Variants in TMEM59L observed in about 807,000 individuals in gnomAD.
TMEM59L encodes transmembrane protein 59 like, also known as transmembrane protein 59-like.
In TMEM59L, 31 loss-of-function variants were observed where a neutral mutation model predicts 39.6. The observed-to-expected ratio is 0.78, with a 90% CI of 0.59 to 1.06. TMEM59L has a LOEUF of 1.06. TMEM59L is among the 50% of genes least tolerant of loss of function. TMEM59L has a pLI of 0.00. For synonymous variants in TMEM59L, 219 were observed against 202.9 expected (o/e 1.08, Z -0.68); for missense variants, 441 against 451.3 (o/e 0.98, Z 0.21).
intron 4 of TMEM59L, 99 bp downstream of exon 4, chr19:18,616,226 C>T: frequency 6.9e-7 from 1 of 1,448,188 alleles, no homozygotes; most frequent in Non-Finnish European, 9.5e-7. Context: ...GCAAAGTCCA[C>T]AGTGGGCGAG....
At chr19:18,616,389 T>C (rs952499411) in intron 4 of TMEM59L, among the ~76,000 whole-genome samples, 2 of 151,568 alleles carry the variant, frequency 1.3e-5, no homozygotes, top group Admixed American at 6.6e-5. Context: ...GGTTTTTTTT[T>C]GTTGTTGTTG....
chr19:18,618,688 T>TAA (rs11347112), intron 7 of TMEM59L, among the ~76,000 whole-genome samples, 196 bp downstream of exon 7: 1 of 131,604 alleles, frequency 7.6e-6, no homozygotes, highest in Non-Finnish European at 1.6e-5. Flanking sequence ...TATATATATA[T>TAA]AATATATATA....
intron 5 of TMEM59L, chr19:18,617,602 C>T (rs751150028): frequency 2.2e-6 from 1 of 456,844 alleles, no homozygotes; most frequent in Non-Finnish European, 4.4e-6. Flanking sequence ...CTCCTAGGGT[C>T]CATCTCCAAG....
intron 7 of TMEM59L, among the ~76,000 whole-genome samples, chr19:18,618,707 T>A (rs1976461915): frequency 6.8e-6 from 1 of 147,042 alleles, no homozygotes. Flanking sequence ...TATATATATT[T>A]TTTTTGAGAT....
At position 18,616,140 on chromosome 19, in the gene TMEM59L, A is replaced by G; in HGVS notation, c.561+13A>G. ...GGTGGTGTTTCAGGTGAGACCTCTG[A>G]CAGGGGCCACGCCAGAGTGGCAGAT... On this transcript the variant is annotated intron_variant, in intron 4 of 7. Transcript: ENST00000262817. 6.2e-7 allele frequency: 1 copy of G among 1,613,506 alleles called. No homozygotes were observed. The highest frequency in any genetic ancestry group is 8.5e-7 in the Non-Finnish European group (1 of 1,179,772).
chr19:18,613,032 C>G lies in TMEM59L; in HGVS notation c.74C>G (p.Ala25Gly). The G allele has an allele frequency of 7.2e-7, 1 of 1,392,444 alleles. No homozygotes were observed. Among genetic ancestry groups the G allele is most frequent in the Non-Finnish European group, 9.3e-7 (1 of 1,074,844 alleles). The allele number at this position is 1,392,444 out of a possible 1,614,324, so 86.3% of individuals were successfully genotyped here. The change falls in exon 1 of 8, where the codon GCG becomes GGG. Residue 25 changes from alanine to glycine, a missense_variant. Ala to Gly is a moderately conservative substitution (Grantham distance 60). Coordinates refer to ENST00000262817, the MANE Select transcript of TMEM59L (RefSeq NM_012109.3). ...TTGGCGTCGCCGCCCGCCGCCTCCG[C>G]GCCGTCCGCCCGCGATCCCTTCGCC... The part of the protein sequence containing the change: ...LLLASPPAAS[A>G]PSARDPFAPQ...
Position 18,620,706 on chromosome 19 carries a change from GC to G in TMEM59L, c.*174del. 4 of 997,188 alleles carry G rather than the reference GC, an allele frequency of 4.0e-6. No homozygotes were observed. The highest frequency in any genetic ancestry group is 5.5e-6 in the Non-Finnish European group (4 of 723,904). 61.8% of individuals were successfully genotyped at this position (997,188 alleles called of 1,614,324 possible). On this transcript the variant is annotated 3_prime_UTR_variant, in exon 8 of 8. Transcript: ENST00000262817. ...CCCCACGGAGTCCTGGGGACGCAGT[GC>G]CCCAGCTGGGAAGAGGGCGGGATCG...
chr19:18,618,604 C>A (rs941129947), intron 7 of TMEM59L, 112 bp downstream of exon 7: 3 of 897,446 alleles, frequency 3.3e-6, no homozygotes, highest in Non-Finnish European at 5.0e-6. Context: ...GGACCTCAGA[C>A]ATTTTTTTCT....
intron 7 of TMEM59L, among the ~76,000 whole-genome samples, 182 bp downstream of exon 7, chr19:18,618,674 T>TATATATA (rs1976460313): frequency 3.6e-5 from 2 of 56,202 alleles, no homozygotes; most frequent in Non-Finnish European, 9.1e-5. Flanking sequence ...TGTGTGTGTG[T>TATATATA]ATATATATAT....
intron 7 of TMEM59L, among the ~76,000 whole-genome samples, chr19:18,619,778 T>G (rs903440764): frequency 7.1e-6 from 1 of 141,442 alleles, no homozygotes. Flanking sequence ...CACTCCAGCC[T>G]GGGTGACAGA....
Position 18,616,080 on chromosome 19 carries a change from T to C in TMEM59L, c.514T>C (p.Trp172Arg). The C allele has an allele frequency of 1.2e-6, 2 of 1,614,156 alleles. No individual in the cohort carries two copies. Among genetic ancestry groups the C allele is most frequent in the Non-Finnish European group, 1.7e-6 (2 of 1,179,990 alleles). Residue 172 changes from tryptophan (W) to arginine (R), a missense_variant, in exon 4 of 8, where the codon TGG becomes CGG. By Grantham distance (101) the Trp-to-Arg change is moderately radical (BLOSUM62 -3). Transcript: ENST00000262817. ...NSAQGFVSST[W>R]TYYLQTDNGK... Reference sequence around the variant, plus strand: ...AGCCCAGGGATTTGTCTCCTCCACCTGGACATACTACTTGCAGACTGACAA... The same window carrying C: ...AGCCCAGGGATTTGTCTCCTCCACCCGGACATACTACTTGCAGACTGACAA...
At chr19:18,618,543 A>G in intron 7 of TMEM59L, 51 bp downstream of exon 7, 1 of 1,549,302 alleles carries the variant, frequency 6.5e-7, no homozygotes, top group Non-Finnish European at 8.8e-7. Context: ...GTGAAGGCAG[A>G]GAGAGCTGTT....
rs758016476 is a variant in TMEM59L, at chr19:18,616,982, G to A, written c.562-18G>A. The A allele has an allele frequency of 1.7e-5, 27 of 1,591,436 alleles. 1 individual carries two copies. The South Asian group carries it at 1.9e-4, about 11-fold the overall frequency. ...CTGTTCTCACAAGCCTCTCTGTGCT[G>A]TCTTGTTCCTGGCCCAGACTCAGCC... On this transcript the variant is annotated intron_variant, in intron 4 of 7. Transcript: ENST00000262817.
chr19:18,612,917 C>A lies in TMEM59L; in HGVS notation c.-42C>A. The A allele has an allele frequency of 2.6e-5, 33 of 1,272,130 alleles. No individual in the cohort carries two copies. The highest frequency in any genetic ancestry group is 3.2e-5 in the Non-Finnish European group (32 of 1,011,660). 78.8% of individuals were successfully genotyped at this position (1,272,130 alleles called of 1,614,324 possible). A position where few individuals can be genotyped will look rare whatever the true frequency, so the allele number is the denominator to read the frequency against. On this transcript the variant is annotated 5_prime_UTR_variant, in exon 1 of 8. Transcript: ENST00000262817. The surrounding 1 kb of genome is among the most constrained non-coding windows in gnomAD (Gnocchi z 6.2). ...CAGCCGCTGCATCCTCCGTGCCCGGCCTGAGCTGGAGTCCCCCGCGCCCCC... is the reference window on the plus strand; with the variant it reads ...CAGCCGCTGCATCCTCCGTGCCCGGACTGAGCTGGAGTCCCCCGCGCCCCC...
Position 18,618,494 on chromosome 19 carries a change from T to C in TMEM59L, c.900+2T>C. On this transcript the variant is annotated splice_donor_variant, in intron 7 of 7. Transcript: ENST00000262817. LOFTEE classifies it high-confidence loss of function. ...CCTGGCCAGCACCTCAAGTTCCAGG[T>C]GGGTGGGATCTGTGAATGGCGCTGG... The C allele has an allele frequency of 6.3e-7, 1 of 1,599,420 alleles. No homozygotes were observed. The highest frequency in any genetic ancestry group is 8.5e-7 in the Non-Finnish European group (1 of 1,175,982).
chr19:18,614,481 G>C (rs1976407176), intron 3 of TMEM59L, among the ~76,000 whole-genome samples: 1 of 152,210 alleles, frequency 6.6e-6, no homozygotes, highest in East Asian at 1.9e-4. Flanking sequence ...AAATGTTTTT[G>C]TGTCACTTGG....
chr19:18,614,304 A>G (rs1340177848), intron 3 of TMEM59L, 109 bp downstream of exon 3: 1 of 1,295,396 alleles, frequency 7.7e-7, no homozygotes, highest in Non-Finnish European at 1.1e-6. Flanking sequence ...TCTGCGTTCT[A>G]TACCAGGCCT....
Position 18,613,903 on chromosome 19 carries a change from A to G in TMEM59L, c.203A>G (p.Tyr68Cys), listed in dbSNP as rs781554578. The G allele has an allele frequency of 5.6e-6, 9 of 1,612,078 alleles. No individual in the cohort carries two copies. Among genetic ancestry groups the G allele is most frequent in the East Asian group, 2.2e-5 (1 of 44,790 alleles). Residue 68 changes from tyrosine to cysteine, a missense_variant, in exon 2 of 8, where the codon TAT (tyrosine) becomes TGT (cysteine). Physicochemically the swap from Tyr to Cys is radical, Grantham distance 194 (BLOSUM62 -2). Transcript: ENST00000262817. ...CTGGAGGGCGCCTCCGAGTCTCCCTATGACAGAGCCGTTCTGATCAGCGCT... is the reference window on the plus strand; with the variant it reads ...CTGGAGGGCGCCTCCGAGTCTCCCTGTGACAGAGCCGTTCTGATCAGCGCT... ...AGLEGASESP[Y>C]DRAVLISACE...
chr19:18,617,411 G>A (rs1976442265), intron 5 of TMEM59L: 3 of 505,848 alleles, frequency 5.9e-6, no homozygotes, highest in Non-Finnish European at 7.7e-6. Flanking sequence ...CACCTCCCGG[G>A]TTCCGTGGCC....
Sources: gnomAD v4.1 joint callset for allele counts (sites outside exome capture counted in the v4.1 genomes callset) on GRCh38, gnomAD v4.1.1 for gene constraint, Gnocchi (gnomAD v3.1) non-coding constraint, MANE v1.5 for transcripts, NCBI Gene and HGNC (gene_info 2026-07-23, HGNC 2026-07-21) for gene names.